The following DMD variants were observed in gnomAD, a reference collection of about 807,000 sequenced individuals.
The protein encoded by DMD is dystrophin.
DMD carries 63 observed loss-of-function variants against 330.1 expected under a neutral mutation model. The observed-to-expected ratio is 0.19, with a 90% CI of 0.16 to 0.24. The LOEUF (loss-of-function observed/expected upper bound fraction) is 0.24, where lower values mean the gene tolerates loss of function less well. Ranked by LOEUF, DMD falls within the 10% of genes least tolerant of loss-of-function variation. DMD has a pLI of 1.00. For missense variants in DMD, 3,344 were observed against 2,684.1 expected, an observed-to-expected ratio of 1.25 and a Z score of -5.43; for synonymous variants, 1,223 against 959.8, an observed-to-expected ratio of 1.27 and a Z score of -5.07.
chrX:31,697,704 T>A (rs987748515), intron 52 of DMD, among the ~76,000 whole-genome samples: 4 of 112,357 alleles, frequency 3.6e-5, no homozygotes, highest in Non-Finnish European at 5.6e-5. Context: ...GGAGGAATGT[T>A]ATTTATACAC....
chrX:33,089,564 G>A (rs1430948721), intron 1 of DMD, among the ~76,000 whole-genome samples: 3 of 110,714 alleles, frequency 2.7e-5, no homozygotes, highest in Non-Finnish European at 5.7e-5. Context: ...TCAGTATAAA[G>A]GAGATACAAT....
At position 31,393,075 on chromosome X, in the gene DMD, G is replaced by T. The variant is rs137998519; in HGVS notation, c.9085-44441C>A. Among the ~76,000 whole-genome samples the T allele has an allele frequency of 3.4e-4, 38 of 112,238 alleles. No homozygotes were observed. In the East Asian group the frequency reaches 5.0e-3, roughly 15 times the overall value. ...TTTGAAATTTTAATATGGAAAGCAG[G>T]TCATTCTTTTAAAAAACTGAACTGC... is the stretch of plus-strand genomic sequence containing the variant. On this transcript the variant is annotated intron_variant, in intron 60 of 78. Coordinates refer to ENST00000357033, the MANE Select transcript of DMD (RefSeq NM_004006.3).
chrX:32,198,268 A>G (rs984424917), intron 44 of DMD, among the ~76,000 whole-genome samples: 6 of 112,194 alleles, frequency 5.3e-5, no homozygotes, highest in African/African-American at 1.9e-4. Flanking sequence ...AATGGATAAG[A>G]TAATAAGATA....
At chrX:31,307,745 T>A (rs935107776) in intron 62 of DMD, among the ~76,000 whole-genome samples, 3 of 112,102 alleles carry the variant, frequency 2.7e-5, no homozygotes, top group African/African-American at 9.7e-5. Flanking sequence ...TGAGTATAAC[T>A]GAATTCTAAA....
intron 55 of DMD, among the ~76,000 whole-genome samples, chrX:31,528,323 T>C (rs1204262778): frequency 2.7e-5 from 3 of 112,333 alleles, no homozygotes; most frequent in Admixed American, 1.9e-4. Context: ...AGTAATTTGA[T>C]GCCTAGGGAA....
intron 60 of DMD, among the ~76,000 whole-genome samples, chrX:31,395,773 T>C (rs1254230053): frequency 9.0e-6 from 1 of 111,584 alleles, no homozygotes; most frequent in East Asian, 2.8e-4. Flanking sequence ...CATCTTAATA[T>C]TGGAGATAAA....
chrX:32,767,091 T>A (rs1448227285), intron 7 of DMD, among the ~76,000 whole-genome samples: 5 of 111,345 alleles, frequency 4.5e-5, no homozygotes, highest in Admixed American at 9.6e-5. Context: ...GCAACACCGC[T>A]AACATTAAAA....
intron 1 of DMD, among the ~76,000 whole-genome samples, chrX:33,335,293 T>C (rs190692615): frequency 5.5e-5 from 6 of 108,883 alleles, no homozygotes; most frequent in Non-Finnish European, 3.8e-5. Flanking sequence ...CACACCATTA[T>C]ATCATATATA....
chrX:33,010,827 A>T (rs2093688593), intron 2 of DMD, among the ~76,000 whole-genome samples: 1 of 110,797 alleles, frequency 9.0e-6, no homozygotes, highest in African/African-American at 3.3e-5. Context: ...TAAATTACTG[A>T]AATTCTAACA....
At chrX:32,697,722 A>G in intron 9 of DMD, 148 bp downstream of exon 9, 1 of 725,514 alleles carries the variant, frequency 1.4e-6, no homozygotes, top group Non-Finnish European at 2.1e-6. Flanking sequence ...GCAGAATCAC[A>G]TGAGGGAATC....
intron 45 of DMD, among the ~76,000 whole-genome samples, chrX:31,968,022 T>G (rs1292791177): frequency 9.0e-6 from 1 of 111,686 alleles, no homozygotes; most frequent in Non-Finnish European, 1.9e-5. Context: ...TCTAAAATCT[T>G]CTTGAAAAAC....
At chrX:31,365,448 C>T (rs950497472) in intron 60 of DMD, among the ~76,000 whole-genome samples, 1 of 112,011 alleles carries the variant, frequency 8.9e-6, no homozygotes, top group African/African-American at 3.2e-5. Context: ...TGAAAAGACA[C>T]ATTGACCAGA....
At chrX:31,921,185 T>C (rs1330290522) in intron 47 of DMD, among the ~76,000 whole-genome samples, 1 of 111,251 alleles carries the variant, frequency 9.0e-6, no homozygotes, top group East Asian at 2.8e-4. Context: ...ATCAGGCCAA[T>C]AGATTGATAA....
At chrX:31,482,799 G>A (rs753460450) in intron 57 of DMD, among the ~76,000 whole-genome samples, 17 of 111,664 alleles carry the variant, frequency 1.5e-4, no homozygotes, top group Non-Finnish European at 3.0e-4. Flanking sequence ...TTTTAGCATA[G>A]GAATGATTTG....
Position 31,266,201 on chromosome X carries a change from T to TC in DMD, c.9225-5186dup, listed in dbSNP as rs1491264822. On this transcript the variant is annotated intron_variant, in intron 62 of 78. Transcript: ENST00000357033. ...AAAAAAAAGCCCAAACAAACAAAAATCCCCACCCCCTGAAATCTTTGACTT... is the reference window on the plus strand; with the variant it reads ...AAAAAAAAGCCCAAACAAACAAAAATCCCCCACCCCCTGAAATCTTTGACTT... Among the ~76,000 whole-genome samples, 381 of 46,630 alleles carry TC rather than the reference T, an allele frequency of 8.2e-3. 7 individuals carry two copies. The highest frequency in any genetic ancestry group is 0.041 in the African/African-American group (350 of 8,493). The allele number at this position is 46,630 out of a possible 115,157, so 40.5% of individuals were successfully genotyped here. A position where few individuals can be genotyped will look rare whatever the true frequency, so the allele number is the denominator to read the frequency against.
At chrX:33,316,698 A>G (rs2053936754) in intron 1 of DMD, among the ~76,000 whole-genome samples, 1 of 111,141 alleles carries the variant, frequency 9.0e-6, no homozygotes, top group Admixed American at 9.7e-5. Flanking sequence ...TCTCACCACC[A>G]ATATCACATT....
chrX:33,207,270 T>G (rs193068614), intron 1 of DMD, among the ~76,000 whole-genome samples: 60 of 111,470 alleles, frequency 5.4e-4, no homozygotes, highest in Admixed American at 3.3e-3. Flanking sequence ...CCCTGGGTGT[T>G]AAAGTATTTC....
At chrX:31,288,388 A>G (rs185587055) in intron 62 of DMD, among the ~76,000 whole-genome samples, 107 of 111,977 alleles carry the variant, frequency 9.6e-4, no homozygotes, top group African/African-American at 3.3e-3. Context: ...GGTATCTTCA[A>G]TCTTTTTCAA....
chrX:32,247,881 A>G (rs1001965194), intron 43 of DMD, among the ~76,000 whole-genome samples: 2 of 111,987 alleles, frequency 1.8e-5, no homozygotes, highest in African/African-American at 3.2e-5. Flanking sequence ...ATCTTTGTTG[A>G]ATGAATAATG....
Sources: gnomAD v4.1 joint callset for allele counts (sites outside exome capture counted in the v4.1 genomes callset) on GRCh38, gnomAD v4.1.1 for gene constraint, MANE v1.5 for transcripts, NCBI Gene and HGNC (gene_info 2026-07-23, HGNC 2026-07-21) for gene names.